Variants in LINGO3 observed in about 807,000 individuals in gnomAD.
The protein encoded by LINGO3 is leucine rich repeat and Ig domain containing 3, also known as leucine-rich repeat and immunoglobulin-like domain-containing nogo receptor-interacting protein 3.
For synonymous variants in LINGO3, 427 were observed against 444.2 expected, an observed-to-expected ratio of 0.96 and a Z score of 0.49; for missense variants, 750 against 867.7, an observed-to-expected ratio of 0.86 and a Z score of 1.70.
chr19:2,301,226 T>G, the LINGO3 span, among the ~76,000 whole-genome samples: 1 of 151,686 alleles, frequency 6.6e-6, no homozygotes, highest in Admixed American at 6.6e-5. Flanking sequence ...GAGTTGATCC[T>G]GGTGTCTGGT....
At chr19:2,305,089 C>T in the LINGO3 span, among the ~76,000 whole-genome samples, 1 of 152,006 alleles carries the variant, frequency 6.6e-6, no homozygotes, top group African/African-American at 2.4e-5. Context: ...TGTGTGGTTC[C>T]CAGCCACTGC....
chr19:2,290,047 G>A lies in LINGO3; in HGVS notation c.1730C>T (p.Ala577Val). The change falls in exon 1 of 1, where the codon GCC (alanine) becomes GTC (valine). Residue 577 changes from alanine to valine, a missense_variant. Coordinates refer to ENST00000585527, the Ensembl canonical transcript of LINGO3. This position sits in a 1 kb window ranked among gnomAD's most constrained non-coding sequence, Gnocchi z 6.0. ...GCGCGCGCCTCCCTGGCCCGCCGCG[G>A]CGGCCGGCCCATCCACCTTGCGGAA... 6.4e-7 allele frequency: 1 copy of A among 1,552,144 alleles called. No homozygotes were observed. Among genetic ancestry groups the A allele is most frequent in the Non-Finnish European group, 8.7e-7 (1 of 1,148,310 alleles).
exon 1 of LINGO3, chr19:2,291,681 G>A (rs1225236617): frequency 1.5e-6 from 2 of 1,344,524 alleles, no homozygotes; most frequent in Non-Finnish European, 1.9e-6. Flanking sequence ...GGGTCTGCAC[G>A]GTGCACTCGC....
chr19:2,291,746 G>GCAGGCT (rs2025526159), exon 1 of LINGO3: 1 of 1,359,458 alleles, frequency 7.4e-7, no homozygotes, highest in South Asian at 1.7e-5. Context: ...AGGAGCAGGG[G>GCAGGCT]CAGGCTCAGG....
At chr19:2,307,354 G>C in the LINGO3 span, among the ~76,000 whole-genome samples, 1 of 152,208 alleles carries the variant, frequency 6.6e-6, no homozygotes, top group African/African-American at 2.4e-5. Context: ...GTGGTCTCCA[G>C]CGTAAGGACC....
At chr19:2,297,000 G>A (rs1184661890), upstream of LINGO3, among the ~76,000 whole-genome samples, 1 of 151,570 alleles carries the variant, frequency 6.6e-6, no homozygotes, top group Non-Finnish European at 1.5e-5. Context: ...GCTGAGGCAG[G>A]AGAATGGCGT....
the LINGO3 span, among the ~76,000 whole-genome samples, chr19:2,305,819 G>A: frequency 2.0e-5 from 3 of 152,210 alleles, no homozygotes; most frequent in African/African-American, 2.4e-5. Flanking sequence ...AGACGGATAT[G>A]GGAGGAGGGG....
chr19:2,289,908 C>T (rs916849841), exon 1 of LINGO3: 93 of 1,109,750 alleles, frequency 8.4e-5, no homozygotes, highest in Non-Finnish European at 1.1e-4. Context: ...GCCGTGCAGC[C>T]GTCCCCTTCC....
upstream of LINGO3, among the ~76,000 whole-genome samples, chr19:2,294,516 T>C (rs1213260641): frequency 6.6e-6 from 1 of 152,050 alleles, no homozygotes; most frequent in African/African-American, 2.4e-5. This position sits in a 1 kb window ranked among gnomAD's most constrained non-coding sequence, Gnocchi z 4.3. Context: ...CCCATGGTTT[T>C]CTGGAGGAAG....
upstream of LINGO3, among the ~76,000 whole-genome samples, chr19:2,292,682 G>T (rs923482929): frequency 2.4e-4 from 36 of 151,810 alleles, no homozygotes; most frequent in Non-Finnish European, 5.2e-4. Flanking sequence ...TAGAGACGGG[G>T]TTTTACCATA....
the LINGO3 span, among the ~76,000 whole-genome samples, chr19:2,304,929 G>A: frequency 5.3e-5 from 8 of 151,896 alleles, no homozygotes; most frequent in East Asian, 9.7e-4. Flanking sequence ...GGCTGGTCTC[G>A]AACTCCTGAT....
chr19:2,288,397 G>T (rs2025485169), downstream of LINGO3, among the ~76,000 whole-genome samples: 1 of 152,232 alleles, frequency 6.6e-6, no homozygotes, highest in Admixed American at 6.5e-5. This position sits in a 1 kb window ranked among gnomAD's most constrained non-coding sequence, Gnocchi z 6.5. Flanking sequence ...CTGAGCCACG[G>T]GTCAGCAGGG....
chr19:2,298,204 A>G, the LINGO3 span, among the ~76,000 whole-genome samples: 2 of 151,510 alleles, frequency 1.3e-5, no homozygotes, highest in African/African-American at 4.9e-5. Flanking sequence ...TCTAAATTAG[A>G]GGTTTCTTTT....
At chr19:2,307,668 C>A in the LINGO3 span, among the ~76,000 whole-genome samples, 2 of 152,240 alleles carry the variant, frequency 1.3e-5, no homozygotes, top group African/African-American at 2.4e-5. Flanking sequence ...CTGGACCAGA[C>A]CCGGCTCGGG....
the LINGO3 span, among the ~76,000 whole-genome samples, chr19:2,297,583 A>G: frequency 3.4e-5 from 5 of 145,298 alleles, no homozygotes; most frequent in African/African-American, 7.7e-5. Flanking sequence ...GATTACAGGC[A>G]TAAGCCACCG....
chr19:2,291,619 G>A, exon 1 of LINGO3: 1 of 1,480,050 alleles, frequency 6.8e-7, no homozygotes, highest in Non-Finnish European at 8.9e-7. Flanking sequence ...GGTCTCGGCC[G>A]GGATGCCGTC....
In LINGO3 at chr19:2,290,184, G is replaced by T; in HGVS notation, c.1593C>A (p.Thr531=). 1 of 1,611,902 alleles carries T rather than the reference G, an allele frequency of 6.2e-7. No individual in the cohort carries two copies. ...CCAGGAAGGTGATGCAGCCCATGGC[G>T]GTGGACACCAGGATGGTGGTGAGGT... Residue 531 remains threonine, a synonymous_variant, in exon 1 of 1, where the codon ACC becomes ACA. Coordinates refer to ENST00000585527, the Ensembl canonical transcript of LINGO3. This position sits in a 1 kb window ranked among gnomAD's most constrained non-coding sequence, Gnocchi z 6.0.
chr19:2,289,893 G>T, exon 1 of LINGO3: 2 of 949,036 alleles, frequency 2.1e-6, no homozygotes, highest in Non-Finnish European at 3.1e-6. Flanking sequence ...TTCTGCCTGG[G>T]GAGCGCCGTG....
upstream of LINGO3, among the ~76,000 whole-genome samples, chr19:2,293,353 C>T (rs1240069526): frequency 9.3e-5 from 14 of 150,798 alleles, no homozygotes; most frequent in South Asian, 2.1e-4. Flanking sequence ...AGTGAGCCAC[C>T]GCGCCTGGCC....
Sources: gnomAD v4.1 joint callset for allele counts (sites outside exome capture counted in the v4.1 genomes callset) on GRCh38, gnomAD v4.1.1 for gene constraint, Gnocchi (gnomAD v3.1) non-coding constraint, MANE v1.5 for transcripts, NCBI Gene and HGNC (gene_info 2026-07-23, HGNC 2026-07-21) for gene names.